SDC2: variants seen among roughly 807,000 people sequenced by gnomAD.
SDC2 encodes syndecan-2.
In SDC2, 13 loss-of-function variants were observed where a neutral mutation model predicts 22.2. The ratio of observed to expected loss-of-function variants is 0.59; its 90% CI spans 0.38 to 0.93. The LOEUF is 0.93. Ranked by LOEUF, SDC2 falls within the 40% of genes least tolerant of loss-of-function variation. The pLI is 0.00. For missense variants in SDC2, 235 were observed against 246.8 expected (o/e 0.95, Z 0.32); for synonymous variants, 94 against 92.8 (o/e 1.01, Z -0.07).
At chr8:96,541,599 A>C (rs1242707926) in intron 1 of SDC2, among the ~76,000 whole-genome samples, 1 of 152,190 alleles carries the variant, frequency 6.6e-6, no homozygotes, top group Non-Finnish European at 1.5e-5. Context: ...AGAAACAGAA[A>C]GACAAATATT....
chr8:96,567,169 T>A (rs1814314907), intron 1 of SDC2, among the ~76,000 whole-genome samples: 1 of 152,236 alleles, frequency 6.6e-6, no homozygotes, highest in Non-Finnish European at 1.5e-5. Flanking sequence ...CTTTATTTTT[T>A]AAAGTTTACA....
At position 96,553,015 on chromosome 8, in the gene SDC2, T is replaced by G. The variant is rs912929635; in HGVS notation, c.61-40465T>G. Among the ~76,000 whole-genome samples, 21 of 152,248 alleles carry G rather than the reference T, an allele frequency of 1.4e-4. 1 individual carries two copies. Among genetic ancestry groups the G allele is most frequent in the African/African-American group, 2.4e-5 (1 of 41,478 alleles). ...CAGACTGATGAAAAGAAAGCCATTT[T>G]AGATGTGGGGTTGTATGTAATAAAA... On this transcript the variant is annotated intron_variant, in intron 1 of 4. Coordinates refer to ENST00000302190, the MANE Select transcript of SDC2 (RefSeq NM_002998.4).
At chr8:96,548,314 C>G (rs971299878) in intron 1 of SDC2, among the ~76,000 whole-genome samples, 1 of 152,152 alleles carries the variant, frequency 6.6e-6, no homozygotes, top group African/African-American at 2.4e-5. Context: ...TTGGGCATCC[C>G]AAACCCAAAA....
intron 2 of SDC2, among the ~76,000 whole-genome samples, chr8:96,598,003 A>T (rs999181059): frequency 3.3e-5 from 5 of 152,180 alleles, no homozygotes; most frequent in Admixed American, 3.3e-4. Flanking sequence ...TAGACTGGGT[A>T]ATTTATAAAT....
intron 1 of SDC2, chr8:96,580,529 A>G: frequency 1.0e-6 from 1 of 985,242 alleles, no homozygotes; most frequent in Non-Finnish European, 1.2e-6. Flanking sequence ...TACCAATTAA[A>G]TAATAAACTC....
intron 2 of SDC2, among the ~76,000 whole-genome samples, chr8:96,600,873 G>A (rs1814970007): frequency 1.3e-5 from 2 of 152,152 alleles, no homozygotes. Context: ...TTTGAGAGGG[G>A]TGGTAAAAGC....
At chr8:96,537,621 A>G (rs1813774800) in intron 1 of SDC2, among the ~76,000 whole-genome samples, 1 of 152,186 alleles carries the variant, frequency 6.6e-6, no homozygotes, top group Non-Finnish European at 1.5e-5. Context: ...GTTAAAAGAA[A>G]TTAATAATTT....
rs993271521 is a variant in SDC2 at position 96,554,086 on chromosome 8, C to T, written c.61-39394C>T. On this transcript the variant is annotated intron_variant, in intron 1 of 4. Transcript: ENST00000302190. Reference sequence around the variant, plus strand: ...GGTTACAGGTGTGAGCTACTGTACCCGGCCTAATTTTATATAAAGATTCTT... The same window carrying T: ...GGTTACAGGTGTGAGCTACTGTACCTGGCCTAATTTTATATAAAGATTCTT... 3.9e-5 allele frequency among the ~76,000 whole-genome samples: 6 copies of T among 152,070 alleles called. No homozygotes were observed. In the South Asian group the frequency reaches 6.2e-4, roughly 16 times the overall value.
chr8:96,499,012 G>T (rs1269200888), intron 1 of SDC2, among the ~76,000 whole-genome samples: 1 of 152,062 alleles, frequency 6.6e-6, no homozygotes, highest in Non-Finnish European at 1.5e-5. Flanking sequence ...TTGTTATCAT[G>T]GCATATAGTC....
At chr8:96,578,128 A>G (rs1215169416) in intron 1 of SDC2, among the ~76,000 whole-genome samples, 1 of 152,202 alleles carries the variant, frequency 6.6e-6, no homozygotes, top group African/African-American at 2.4e-5. Flanking sequence ...TGGAAAAGGC[A>G]ATTATGTTGT....
At chr8:96,544,539 G>A (rs188830578) in intron 1 of SDC2, among the ~76,000 whole-genome samples, 39 of 152,222 alleles carry the variant, frequency 2.6e-4, no homozygotes, top group Admixed American at 6.5e-4. Flanking sequence ...TTGAGTTCCT[G>A]TAGTGCCTTG....
chr8:96,494,765 C>T (rs947977388), intron 1 of SDC2, among the ~76,000 whole-genome samples: 1 of 152,210 alleles, frequency 6.6e-6, no homozygotes, highest in Non-Finnish European at 1.5e-5. Flanking sequence ...GGGTCCCTTC[C>T]TCCGCACACC....
chr8:96,509,125 C>G (rs1813293086), intron 1 of SDC2, among the ~76,000 whole-genome samples: 1 of 142,174 alleles, frequency 7.0e-6, no homozygotes, highest in African/African-American at 2.5e-5. Flanking sequence ...TCAGCTCTGC[C>G]AATTTCTGGA....
chr8:96,557,765 T>TA (rs1814143041), intron 1 of SDC2, among the ~76,000 whole-genome samples: 1 of 152,086 alleles, frequency 6.6e-6, no homozygotes. Context: ...CCCTAAAACT[T>TA]AAAGTATAAT....
intron 3 of SDC2, among the ~76,000 whole-genome samples, chr8:96,604,335 A>T (rs1815041978): frequency 6.6e-6 from 1 of 152,222 alleles, no homozygotes; most frequent in Non-Finnish European, 1.5e-5. Flanking sequence ...AGGTGAATTT[A>T]AAAATTAAGG....
chr8:96,547,985 C>T (rs1309025147), intron 1 of SDC2, among the ~76,000 whole-genome samples: 2 of 152,144 alleles, frequency 1.3e-5, no homozygotes, highest in East Asian at 3.9e-4. Flanking sequence ...TGGTCTCAAA[C>T]TCCTGGGCTC....
chr8:96,519,842 G>A (rs1813467518), intron 1 of SDC2, among the ~76,000 whole-genome samples: 1 of 151,980 alleles, frequency 6.6e-6, no homozygotes, highest in Non-Finnish European at 1.5e-5. Context: ...TGGCCAAGCT[G>A]GTCTTGAACT....
chr8:96,605,503 G>A (rs1815062275), intron 3 of SDC2, among the ~76,000 whole-genome samples: 1 of 152,198 alleles, frequency 6.6e-6, no homozygotes, highest in South Asian at 2.1e-4. Flanking sequence ...CCAATGAGCT[G>A]CTCTCTTCTG....
intron 1 of SDC2, among the ~76,000 whole-genome samples, chr8:96,518,735 G>A (rs2130455012): frequency 6.6e-6 from 1 of 152,220 alleles, no homozygotes; most frequent in Non-Finnish European, 1.5e-5. Flanking sequence ...TGGGTCCGTG[G>A]GAATTTAGAA....
Sources: allele counts gnomAD v4.1 joint callset (sites outside exome capture counted in the v4.1 genomes callset), GRCh38; gene constraint gnomAD v4.1.1; transcripts MANE v1.5; gene names NCBI Gene and HGNC (gene_info 2026-07-23, HGNC 2026-07-21).